Variants in CAMTA1 observed in about 807,000 individuals in gnomAD.
CAMTA1 encodes the protein calmodulin-binding transcription activator 1.
Under a neutral mutation model 170.9 loss-of-function variants are expected in CAMTA1, and 27 were observed. That is an observed-to-expected ratio of 0.16 (90% CI 0.12 to 0.22). The LOEUF (loss-of-function observed/expected upper bound fraction) is 0.22, where lower values mean the gene tolerates loss of function less well. Among genes scored for constraint, CAMTA1 ranks in the 10% least tolerant of loss-of-function variants. The probability of loss-of-function intolerance (pLI) is 1.00; values close to 1 mark genes in which losing one functional copy is unlikely to be tolerated. For synonymous variants in CAMTA1, 833 were observed against 891.5 expected, an observed-to-expected ratio of 0.93 and a Z score of 1.17; for missense variants, 1,619 against 2,217.2, an observed-to-expected ratio of 0.73 and a Z score of 5.42.
At chr1:6,933,748 A>G (rs1009448571) in intron 3 of CAMTA1, among the ~76,000 whole-genome samples, 3 of 150,610 alleles carry the variant, frequency 2.0e-5, no homozygotes, top group African/African-American at 7.3e-5. Flanking sequence ...ACTGAATTGC[A>G]TTTTGCCCCT....
chr1:7,352,453 G>A (rs1264601324), intron 5 of CAMTA1, among the ~76,000 whole-genome samples: 2 of 152,140 alleles, frequency 1.3e-5, no homozygotes, highest in African/African-American at 4.8e-5. Context: ...CCGACATCTT[G>A]TCGGGTTATT....
Position 7,615,082 on chromosome 1 carries a change from C to T in CAMTA1, c.511-25318C>T, listed in dbSNP as rs112132704. 3.8e-3 allele frequency among the ~76,000 whole-genome samples: 580 copies of T among 152,270 alleles called. 2 individuals are homozygous for T. Among genetic ancestry groups the T allele is most frequent in the African/African-American group, 0.013 (549 of 41,506 alleles). On this transcript the variant is annotated intron_variant, in intron 6 of 22. Transcript: ENST00000303635. ...TCGTTCATGTGTGTATTCATCCATA[C>T]GACGTGTTTGCTGAAGTGATTGGAA...
chr1:7,046,356 C>G (rs1367383685), intron 3 of CAMTA1, among the ~76,000 whole-genome samples: 1 of 152,166 alleles, frequency 6.6e-6, no homozygotes, highest in Non-Finnish European at 1.5e-5. Context: ...GGCCAGGATA[C>G]CAGAGCCTCC....
At chr1:7,011,406 C>G (rs570676630) in intron 3 of CAMTA1, among the ~76,000 whole-genome samples, 1 of 152,266 alleles carries the variant, frequency 6.6e-6, no homozygotes, top group East Asian at 1.9e-4. Flanking sequence ...GAATAAGCTT[C>G]TAGACCCTCA....
intron 5 of CAMTA1, among the ~76,000 whole-genome samples, chr1:7,373,676 A>G (rs1252635947): frequency 4.6e-5 from 7 of 152,206 alleles, no homozygotes; most frequent in Admixed American, 4.6e-4. Context: ...TTTGGAGAGC[A>G]ATATTAGTCT....
At chr1:7,068,222 C>A (rs74051107) in intron 3 of CAMTA1, among the ~76,000 whole-genome samples, 1,903 of 152,248 alleles carry the variant, frequency 0.012, 37 homozygotes, top group African/African-American at 0.042. Flanking sequence ...GTCGCTTTAG[C>A]CTTTCTCCAG....
At chr1:7,465,833 A>G (rs1345630272) in intron 5 of CAMTA1, among the ~76,000 whole-genome samples, 1 of 152,118 alleles carries the variant, frequency 6.6e-6, no homozygotes, top group Non-Finnish European at 1.5e-5. Flanking sequence ...CAGGCAGGCA[A>G]TCGAGGGAGA....
intron 5 of CAMTA1, among the ~76,000 whole-genome samples, chr1:7,406,606 G>T (rs977514628): frequency 3.3e-5 from 5 of 151,534 alleles, no homozygotes; most frequent in African/African-American, 1.2e-4. Flanking sequence ...ACACACGGAT[G>T]TACACACACA....
intron 6 of CAMTA1, among the ~76,000 whole-genome samples, chr1:7,530,947 G>A (rs1480177358): frequency 3.3e-5 from 5 of 150,984 alleles, no homozygotes; most frequent in African/African-American, 1.2e-4. Context: ...CCCCCAAGTA[G>A]CTGGGATTAT....
intron 6 of CAMTA1, among the ~76,000 whole-genome samples, chr1:7,512,471 C>G (rs912080945): frequency 1.2e-4 from 18 of 152,214 alleles, no homozygotes; most frequent in Non-Finnish European, 5.9e-5. Context: ...CAGCGGCTGA[C>G]AGGACCGCAT....
chr1:7,045,058 C>T (rs774979438), intron 3 of CAMTA1, among the ~76,000 whole-genome samples: 4 of 152,052 alleles, frequency 2.6e-5, no homozygotes, highest in Non-Finnish European at 5.9e-5. Context: ...CTGAACACTG[C>T]GCAAATGAGT....
Position 7,641,929 on chromosome 1 carries a change from T to C in CAMTA1, c.664+1376T>C, listed in dbSNP as rs568861747. ...AATGCACGCTCAATGCCCAAGCTCC[T>C]GAGCACAGCCTGCAGCCCCCCCACC... On this transcript the variant is annotated intron_variant, in intron 7 of 22. Transcript: ENST00000303635. The surrounding 1 kb of genome is among the most constrained non-coding windows in gnomAD (Gnocchi z 4.5). Among the ~76,000 whole-genome samples the C allele has an allele frequency of 3.9e-4, 59 of 152,240 alleles. No homozygotes were observed. Among genetic ancestry groups the C allele is most frequent in the African/African-American group, 1.4e-3 (58 of 41,550 alleles).
chr1:7,655,219 TCTATACACACACACAC>T (rs1212814554), intron 7 of CAMTA1, among the ~76,000 whole-genome samples: 51 of 52,488 alleles, frequency 9.7e-4, no homozygotes, highest in South Asian at 2.1e-3. Context: ...AACACACCCA[TCTATACACACACACAC>T]CTATACACAC....
chr1:7,454,612 C>T (rs1391611531), intron 5 of CAMTA1, among the ~76,000 whole-genome samples: 3 of 152,150 alleles, frequency 2.0e-5, no homozygotes, highest in African/African-American at 4.8e-5. Context: ...GACCTCCATC[C>T]AGGAGGACCG....
At chr1:7,432,749 C>T (rs1368227525) in intron 5 of CAMTA1, among the ~76,000 whole-genome samples, 2 of 152,254 alleles carry the variant, frequency 1.3e-5, no homozygotes, top group Non-Finnish European at 2.9e-5. Flanking sequence ...CAAAATTTGC[C>T]GTCCCCCTTG....
chr1:7,720,800 A>C (rs924150842), intron 11 of CAMTA1, among the ~76,000 whole-genome samples: 2 of 152,200 alleles, frequency 1.3e-5, no homozygotes, highest in African/African-American at 2.4e-5. Flanking sequence ...CAGAGTCTTC[A>C]CTGTAGCTGC....
chr1:6,829,473 A>G (rs537198941), intron 3 of CAMTA1, among the ~76,000 whole-genome samples: 4 of 152,342 alleles, frequency 2.6e-5, no homozygotes, highest in South Asian at 4.1e-4. Context: ...GCAGCCACCA[A>G]TACTGGTCCT....
chr1:7,298,556 C>T (rs1173087440), intron 5 of CAMTA1, among the ~76,000 whole-genome samples: 1 of 152,168 alleles, frequency 6.6e-6, no homozygotes, highest in African/African-American at 2.4e-5. Flanking sequence ...GGCGGAATTC[C>T]GGTCATTTGC....
chr1:6,811,178 T>A (rs900260076), intron 1 of CAMTA1, among the ~76,000 whole-genome samples: 5 of 152,192 alleles, frequency 3.3e-5, no homozygotes, highest in Admixed American at 3.3e-4. Context: ...CCAGTGGAGG[T>A]ATCTGCCCTC....
Sources: allele counts gnomAD v4.1 joint callset (sites outside exome capture counted in the v4.1 genomes callset), GRCh38; gene constraint gnomAD v4.1.1; non-coding constraint Gnocchi (gnomAD v3.1); transcripts MANE v1.5; gene names NCBI Gene and HGNC (gene_info 2026-07-23, HGNC 2026-07-21).